The following FOXP2 variants were observed in gnomAD, a reference collection of about 807,000 sequenced individuals.
FOXP2 encodes the protein forkhead box P2, also known as forkhead box protein P2.
Under a neutral mutation model 115.8 loss-of-function variants are expected in FOXP2, and 12 were observed. The observed-to-expected ratio is 0.10, with a 90% CI of 0.07 to 0.17. The LOEUF is 0.17. Ranked by LOEUF, FOXP2 falls within the 10% of genes least tolerant of loss-of-function variation. The pLI, the probability that FOXP2 is intolerant of heterozygous loss-of-function variation, is 1.00. For missense variants in FOXP2, 629 were observed against 843.5 expected, an observed-to-expected ratio of 0.75 and a Z score of 3.15; for synonymous variants, 328 against 297.7, an observed-to-expected ratio of 1.10 and a Z score of -1.05.
intron 1 of FOXP2, among the ~76,000 whole-genome samples, chr7:114,279,666 T>C (rs1796278831): frequency 6.6e-6 from 1 of 152,154 alleles, no homozygotes; most frequent in Non-Finnish European, 1.5e-5. Flanking sequence ...AAATGAGAGC[T>C]TCTTGTCAAT....
At chr7:114,236,893 C>A (rs1316077597) in intron 1 of FOXP2, among the ~76,000 whole-genome samples, 3 of 152,074 alleles carry the variant, frequency 2.0e-5, no homozygotes, top group African/African-American at 7.2e-5. Flanking sequence ...AGGAGAATTG[C>A]TTGAACCCAG....
At chr7:114,683,766 T>A (rs1808215724) in intron 16 of FOXP2, among the ~76,000 whole-genome samples, 1 of 151,900 alleles carries the variant, frequency 6.6e-6, no homozygotes, top group South Asian at 2.1e-4. Flanking sequence ...TGTCTTGGAG[T>A]AGGAACTGAA....
chr7:114,236,491 C>T (rs1194164075), intron 1 of FOXP2, among the ~76,000 whole-genome samples: 2 of 152,186 alleles, frequency 1.3e-5, no homozygotes, highest in Non-Finnish European at 2.9e-5. Context: ...TTTTCTTCTA[C>T]TTCGAATTGT....
At chr7:114,299,662 T>C (rs933948154) in intron 2 of FOXP2, among the ~76,000 whole-genome samples, 5 of 152,036 alleles carry the variant, frequency 3.3e-5, no homozygotes, top group Non-Finnish European at 7.4e-5. Context: ...TTTTGTCACT[T>C]AAAGCTATAA....
At chr7:114,325,845 A>C (rs551528442) in intron 2 of FOXP2, among the ~76,000 whole-genome samples, 2 of 152,208 alleles carry the variant, frequency 1.3e-5, no homozygotes, top group African/African-American at 4.8e-5. Context: ...CTATGTATAA[A>C]AAAAATTTAA....
chr7:114,264,290 C>T (rs1795839886), intron 1 of FOXP2, among the ~76,000 whole-genome samples: 1 of 151,608 alleles, frequency 6.6e-6, no homozygotes, highest in Non-Finnish European at 1.5e-5. Flanking sequence ...AGTACAGATA[C>T]AGGTCATTCA....
At chr7:114,562,371 C>G (rs1470621825) in intron 3 of FOXP2, among the ~76,000 whole-genome samples, 10 of 152,108 alleles carry the variant, frequency 6.6e-5, no homozygotes. Flanking sequence ...AGTTTCTAGC[C>G]TTCACTGTAC....
intron 2 of FOXP2, among the ~76,000 whole-genome samples, chr7:114,442,736 A>C (rs1562929443): frequency 6.6e-6 from 1 of 152,178 alleles, no homozygotes. Context: ...TGTTGTGATT[A>C]CAGACGTCAG....
chr7:114,371,387 A>T (rs1265289338), intron 2 of FOXP2, among the ~76,000 whole-genome samples: 3 of 152,036 alleles, frequency 2.0e-5, no homozygotes, highest in Non-Finnish European at 4.4e-5. Context: ...CACCTGGCCA[A>T]CAACTTAATA....
At chr7:114,329,098 A>T (rs1797631432) in intron 2 of FOXP2, among the ~76,000 whole-genome samples, 1 of 152,210 alleles carries the variant, frequency 6.6e-6, no homozygotes, top group Non-Finnish European at 1.5e-5. Context: ...TGGTCTGCTT[A>T]AAAAATGGAT....
chr7:114,647,356 A>G (rs1051666735), intron 8 of FOXP2, among the ~76,000 whole-genome samples: 3 of 151,290 alleles, frequency 2.0e-5, no homozygotes, highest in Non-Finnish European at 3.0e-5. Flanking sequence ...ACACATATAT[A>G]TGTACCTGTA....
At chr7:114,178,342 A>G (rs988909781) in intron 1 of FOXP2, among the ~76,000 whole-genome samples, 19 of 151,804 alleles carry the variant, frequency 1.3e-4, no homozygotes, top group African/African-American at 2.9e-4. Flanking sequence ...TTTTTTTCCT[A>G]TATTACATAG....
chr7:114,477,423 A>G (rs983401960), intron 2 of FOXP2, among the ~76,000 whole-genome samples: 1 of 152,000 alleles, frequency 6.6e-6, no homozygotes, highest in Non-Finnish European at 1.5e-5. Flanking sequence ...TAAATCCCAC[A>G]TGTCCTCACT....
intron 1 of FOXP2, among the ~76,000 whole-genome samples, chr7:114,197,769 G>A (rs1341942326): frequency 6.6e-6 from 1 of 152,074 alleles, no homozygotes; most frequent in Non-Finnish European, 1.5e-5. Context: ...TAAGCCATGT[G>A]TGTCATGAAT....
intron 3 of FOXP2, among the ~76,000 whole-genome samples, chr7:114,604,814 G>T (rs1412678897): frequency 6.6e-6 from 1 of 152,064 alleles, no homozygotes; most frequent in South Asian, 2.1e-4. Flanking sequence ...CAGAGAATGG[G>T]GCTTGTAGAC....
rs145114203 is a variant in FOXP2 at position 114,362,843 on chromosome 7, G to A, written c.-10-63659G>A. Among the ~76,000 whole-genome samples, 360 of 152,154 alleles carry A rather than the reference G, an allele frequency of 2.4e-3. 2 individuals carry two copies. Among genetic ancestry groups the A allele is most frequent in the African/African-American group, 8.1e-3 (335 of 41,538 alleles). ...GAAAATATGTAGGTGAACAAGTAAG[G>A]GGACAAAAGACGAGGGAATTAAGAG... On this transcript the variant is annotated intron_variant, in intron 2 of 17. Transcript: ENST00000634411.
At chr7:114,470,407 T>C (rs187062818) in intron 2 of FOXP2, among the ~76,000 whole-genome samples, 1 of 152,278 alleles carries the variant, frequency 6.6e-6, no homozygotes, top group Non-Finnish European at 1.5e-5. Flanking sequence ...ATAAAGTCAT[T>C]TTATAAAGTT....
chr7:114,490,614 C>T (rs1312098471), intron 2 of FOXP2, among the ~76,000 whole-genome samples: 1 of 152,072 alleles, frequency 6.6e-6, no homozygotes, highest in African/African-American at 2.4e-5. Context: ...ATTAACTCGT[C>T]ATTTAACATT....
chr7:114,581,144 C>A (rs1801840095), intron 3 of FOXP2, among the ~76,000 whole-genome samples: 1 of 145,970 alleles, frequency 6.9e-6, no homozygotes, highest in East Asian at 2.0e-4. Flanking sequence ...CTTCTATCTT[C>A]TTCCGTTTAT....
Sources: gnomAD v4.1 joint callset for allele counts (sites outside exome capture counted in the v4.1 genomes callset) on GRCh38, gnomAD v4.1.1 for gene constraint, MANE v1.5 for transcripts, NCBI Gene and HGNC (gene_info 2026-07-23, HGNC 2026-07-21) for gene names.